Variants in PTPRN2 observed in about 807,000 individuals in gnomAD.
PTPRN2 encodes receptor-type tyrosine-protein phosphatase N2.
A neutral mutation model predicts 118.8 loss-of-function variants in PTPRN2; 74 were observed. The observed-to-expected ratio is 0.62, with a 90% CI of 0.52 to 0.76. The LOEUF (loss-of-function observed/expected upper bound fraction) is 0.76, where lower values mean the gene tolerates loss of function less well. Among genes scored for constraint, PTPRN2 ranks in the 30% least tolerant of loss-of-function variants. The probability of loss-of-function intolerance (pLI) is 0.00; values close to 1 mark genes in which losing one functional copy is unlikely to be tolerated. For synonymous variants in PTPRN2, 641 were observed against 608.0 expected (o/e 1.05, Z -0.80); for missense variants, 1,481 against 1,394.4 (o/e 1.06, Z -0.99).
chr7:158,379,330 G>T (rs1176729879), intron 2 of PTPRN2, among the ~76,000 whole-genome samples: 1 of 152,136 alleles, frequency 6.6e-6, no homozygotes, highest in East Asian at 1.9e-4. Context: ...TGGCAGCCAA[G>T]ACCCACCTTC....
At chr7:158,571,428 A>C (rs1385032353) in intron 1 of PTPRN2, among the ~76,000 whole-genome samples, 1 of 150,620 alleles carries the variant, frequency 6.6e-6, no homozygotes, top group Non-Finnish European at 1.5e-5. Flanking sequence ...CAGTGAGCTG[A>C]GATTGCACCA....
chr7:158,558,080 G>A (rs1827162480), intron 1 of PTPRN2, among the ~76,000 whole-genome samples: 1 of 152,174 alleles, frequency 6.6e-6, no homozygotes, highest in Non-Finnish European at 1.5e-5. Context: ...GAACTTCTGG[G>A]CTTGGGGGAT....
intron 3 of PTPRN2, among the ~76,000 whole-genome samples, chr7:158,209,239 C>A (rs1440228720): frequency 6.6e-6 from 1 of 152,072 alleles, no homozygotes; most frequent in Non-Finnish European, 1.5e-5. Flanking sequence ...CTAAACTCTC[C>A]AATCAAAACA....
At chr7:157,837,483 G>A (rs1256616169) in intron 12 of PTPRN2, among the ~76,000 whole-genome samples, 1 of 151,302 alleles carries the variant, frequency 6.6e-6, no homozygotes, top group Non-Finnish European at 1.5e-5. Context: ...AGAGTCATCC[G>A]AGATGGCTCA....
chr7:158,086,838 C>A (rs968690938), intron 10 of PTPRN2, among the ~76,000 whole-genome samples: 2 of 152,160 alleles, frequency 1.3e-5, no homozygotes, highest in African/African-American at 4.8e-5. Flanking sequence ...ACAGGATCAT[C>A]GACTGCCTAG....
At position 157,986,428 on chromosome 7, in the gene PTPRN2, T is replaced by C. The variant is rs562667168; in HGVS notation, c.1724-87691A>G. ...CCAGAGAGGCAGGGCACCCCGTGTG[T>C]GGTCACCGTGGTCAGTGGCAGAGGT... On this transcript the variant is annotated intron_variant, in intron 11 of 22. Transcript: ENST00000389418. The surrounding 1 kb of genome is among the most constrained non-coding windows in gnomAD (Gnocchi z 4.5). Among the ~76,000 whole-genome samples the C allele has an allele frequency of 2.6e-5, 4 of 152,198 alleles. No individual in the cohort carries two copies. The highest frequency in any genetic ancestry group is 9.6e-5 in the African/African-American group (4 of 41,536).
intron 11 of PTPRN2, among the ~76,000 whole-genome samples, chr7:158,071,123 G>A (rs868023290): frequency 6.2e-4 from 34 of 54,872 alleles, no homozygotes; most frequent in Admixed American, 7.2e-4. Flanking sequence ...GGAGGTGCCC[G>A]TGGTGGTGGA....
intron 3 of PTPRN2, among the ~76,000 whole-genome samples, chr7:158,308,547 T>C (rs558526642): frequency 6.6e-6 from 1 of 152,288 alleles, no homozygotes; most frequent in African/African-American, 2.4e-5. Flanking sequence ...TTGATAAACA[T>C]ACAATCTATA....
intron 22 of PTPRN2, among the ~76,000 whole-genome samples, chr7:157,547,395 C>T (rs1433206290): frequency 1.3e-5 from 2 of 152,098 alleles, no homozygotes; most frequent in African/African-American, 2.4e-5. Flanking sequence ...CAAGATGGAC[C>T]CTTCCAAGGT....
chr7:158,387,576 C>CA (rs1563230326), intron 2 of PTPRN2, among the ~76,000 whole-genome samples: 14 of 6,044 alleles, frequency 2.3e-3, no homozygotes, highest in South Asian at 4.3e-3. Flanking sequence ...CCTGTCAGCT[C>CA]AGCTTGGCCC....
chr7:158,493,049 T>C (rs1189510984), intron 1 of PTPRN2, among the ~76,000 whole-genome samples: 1 of 152,252 alleles, frequency 6.6e-6, no homozygotes, highest in Non-Finnish European at 1.5e-5. Context: ...TTCCTTCACT[T>C]CAATGTATTA....
At chr7:158,399,913 C>A (rs907832792) in intron 2 of PTPRN2, among the ~76,000 whole-genome samples, 1 of 152,112 alleles carries the variant, frequency 6.6e-6, no homozygotes, top group Non-Finnish European at 1.5e-5. Flanking sequence ...TCATTAGTCC[C>A]CAGGCACTTG....
At chr7:158,341,770 G>C (rs1204892607) in intron 2 of PTPRN2, among the ~76,000 whole-genome samples, 1 of 109,826 alleles carries the variant, frequency 9.1e-6, no homozygotes, top group African/African-American at 3.9e-5. Flanking sequence ...CATAAGAGCT[G>C]ACACCTGCAG....
intron 5 of PTPRN2, among the ~76,000 whole-genome samples, chr7:158,186,565 C>T (rs945707014): frequency 1.6e-4 from 24 of 151,216 alleles, no homozygotes; most frequent in Non-Finnish European, 3.1e-4. Flanking sequence ...GTCAGAAGCC[C>T]GCCTGGGCCA....
intron 2 of PTPRN2, among the ~76,000 whole-genome samples, chr7:158,355,268 G>C (rs1262042210): frequency 6.6e-6 from 1 of 152,134 alleles, no homozygotes; most frequent in Admixed American, 6.5e-5. Context: ...GTGCAAACTT[G>C]GGCAAATCAC....
In PTPRN2 at chr7:157,987,460, C is replaced by T. The variant is rs982720722; in HGVS notation, c.1724-88723G>A. 4.0e-5 allele frequency among the ~76,000 whole-genome samples: 6 copies of T among 151,750 alleles called. No homozygotes were observed. Among genetic ancestry groups the T allele is most frequent in the Non-Finnish European group, 8.8e-5 (6 of 67,940 alleles). On this transcript the variant is annotated intron_variant, in intron 11 of 22. Transcript: ENST00000389418. This position sits in a 1 kb window ranked among gnomAD's most constrained non-coding sequence, Gnocchi z 4.3. ...TGAGATGACAGGTCATTAATGGGGGCGTAGTGTCCGGTCACTAATAGGGTG... is the reference window on the plus strand; with the variant it reads ...TGAGATGACAGGTCATTAATGGGGGTGTAGTGTCCGGTCACTAATAGGGTG...
intron 21 of PTPRN2, among the ~76,000 whole-genome samples, chr7:157,554,827 A>C (rs539911662): frequency 6.6e-6 from 1 of 152,388 alleles, no homozygotes; most frequent in East Asian, 1.9e-4. Context: ...AAGAAGCATC[A>C]TGGTGATTCA....
chr7:158,063,670 C>T (rs373261093), intron 11 of PTPRN2, among the ~76,000 whole-genome samples: 27 of 152,172 alleles, frequency 1.8e-4, no homozygotes, highest in East Asian at 5.8e-4. Context: ...AGCGAGACCA[C>T]GAACCCACCA....
intron 11 of PTPRN2, among the ~76,000 whole-genome samples, chr7:157,998,149 G>A (rs1015507212): frequency 1.3e-5 from 2 of 151,712 alleles, no homozygotes; most frequent in Admixed American, 1.3e-4. Context: ...TGCAGGGCCC[G>A]GGAAAAGGAC....
Sources: allele counts gnomAD v4.1 joint callset (sites outside exome capture counted in the v4.1 genomes callset), GRCh38; gene constraint gnomAD v4.1.1; non-coding constraint Gnocchi (gnomAD v3.1); transcripts MANE v1.5; gene names NCBI Gene and HGNC (gene_info 2026-07-23, HGNC 2026-07-21).